EDF1: variants seen among roughly 807,000 people sequenced by gnomAD.
EDF1 encodes endothelial differentiation related factor 1.
A neutral mutation model predicts 20.8 loss-of-function variants in EDF1; 5 were observed. The ratio of observed to expected loss-of-function variants is 0.24; its 90% CI spans 0.13 to 0.51. The LOEUF (loss-of-function observed/expected upper bound fraction) is 0.51. EDF1 is among the 20% of genes least tolerant of loss of function. The pLI is 0.97. For synonymous variants in EDF1, 96 were observed against 78.5 expected (o/e 1.22, Z -1.18); for missense variants, 137 against 197.8 (o/e 0.69, Z 1.84).
At chr9:136,864,790 A>AT (rs1466072236) in intron 1 of EDF1, among the ~76,000 whole-genome samples, 1 of 151,834 alleles carries the variant, frequency 6.6e-6, no homozygotes, top group East Asian at 1.9e-4. Context: ...TGCCTGGCTA[A>AT]TTTTTTGTAT....
rs574985979 is a variant in EDF1 at position 136,862,191 on chromosome 9, T to C, written c.*93A>G. 1,251 of 1,540,558 alleles carry C rather than the reference T, an allele frequency of 8.1e-4. 2 individuals are homozygous for C. Among genetic ancestry groups the C allele is most frequent in the Non-Finnish European group, 1.0e-3 (1,138 of 1,115,854 alleles). On this transcript the variant is annotated 3_prime_UTR_variant, in exon 5 of 5. Coordinates refer to ENST00000224073, the MANE Select transcript of EDF1 (RefSeq NM_003792.4). This position sits in a 1 kb window ranked among gnomAD's most constrained non-coding sequence, Gnocchi z 4.1. ...GGTCCCCCGCAAGCTGGACCCCTTG[T>C]TCCGTTCGGCCCGTGAGGAGAACGG...
rs767244722 is a variant in EDF1 at position 136,863,333 on chromosome 9, C to T, written c.246G>A (p.Gln82=). Residue 82 remains glutamine, a synonymous_variant, in exon 3 of 5, where the codon CAG becomes CAA. Transcript: ENST00000224073. The surrounding 1 kb of genome is among the most constrained non-coding windows in gnomAD (Gnocchi z 4.5). ...TAAGCCCCTTGCTCTGCCGACCTTG[C>T]TGGATCACCTTGCCCACCTCCAGGG... The part of the protein sequence containing the change: ...RVTLEVGKVI[Q]QGRQSKGLTQ... 6.8e-6 allele frequency: 11 copies of T among 1,614,006 alleles called. No homozygotes were observed. The highest frequency in any genetic ancestry group is 9.3e-6 in the Non-Finnish European group (11 of 1,180,002).
In EDF1 at chr9:136,862,405, GC is replaced by G; in HGVS notation, c.386-61del. The G allele has an allele frequency of 1.2e-6, 2 of 1,613,886 alleles. No individual in the cohort carries two copies. The highest frequency in any genetic ancestry group is 1.7e-6 in the Non-Finnish European group (2 of 1,180,002). On this transcript the variant is annotated intron_variant, in intron 4 of 4. Transcript: ENST00000224073. This position sits in a 1 kb window ranked among gnomAD's most constrained non-coding sequence, Gnocchi z 4.1. Reference sequence around the variant, plus strand: ...CCAGCTCCCTCCTCCCCCCAACGCTGCCCCTCTTCAACATCTTCCCAGGGAA... The same window carrying G: ...CCAGCTCCCTCCTCCCCCCAACGCTGCCCTCTTCAACATCTTCCCAGGGAA...
chr9:136,862,550 C>T lies in EDF1; in HGVS notation c.386-205G>A. 6 of 1,596,096 alleles carry T rather than the reference C, an allele frequency of 3.8e-6. No homozygotes were observed. The South Asian group carries it at 5.6e-5, about 15-fold the overall frequency. On this transcript the variant is annotated intron_variant, in intron 4 of 4. Coordinates refer to ENST00000224073, the MANE Select transcript of EDF1 (RefSeq NM_003792.4). The surrounding 1 kb of genome is among the most constrained non-coding windows in gnomAD (Gnocchi z 4.1). ...CCTTAGACAGCAGAGCATGAACACC[C>T]CTCTCCGGAAGAACCGGAGCCGGGG...
In EDF1 at chr9:136,862,574, G is replaced by A. The variant is rs1588398438; in HGVS notation, c.386-229C>T. The A allele has an allele frequency of 2.6e-6, 4 of 1,565,978 alleles. No homozygotes were observed. The East Asian group carries it at 6.9e-5, about 27-fold the overall frequency. On this transcript the variant is annotated intron_variant, in intron 4 of 4. Coordinates refer to ENST00000224073, the MANE Select transcript of EDF1 (RefSeq NM_003792.4). The surrounding 1 kb of genome is among the most constrained non-coding windows in gnomAD (Gnocchi z 4.1). ...CCCTCTCCGGAAGAACCGGAGCCGG[G>A]GTCCTCTGTGGAACTGGCTTCCGGC...
Position 136,862,327 on chromosome 9 carries a change from T to C in EDF1, c.404A>G (p.Lys135Arg). The C allele has an allele frequency of 6.2e-7, 1 of 1,613,986 alleles. No homozygotes were observed. The highest frequency in any genetic ancestry group is 1.1e-5 in the South Asian group (1 of 91,064). Residue 135 changes from lysine (K) to arginine (R), a missense_variant, in exon 5 of 5, where the codon AAG (lysine) becomes AGG (arginine). Physicochemically the swap from Lys to Arg is conservative, Grantham distance 26. Transcript: ENST00000224073. The surrounding 1 kb of genome is among the most constrained non-coding windows in gnomAD (Gnocchi z 4.1). ...CTTCTCGATGGGCTTTCCAATGTCC[T>C]TTCCCCGGAGCTTGAGGCCTGAAAT... The part of the protein sequence containing the change: ...ERAIGLKLRG[K>R]DIGKPIEKGP...
chr9:136,862,387 C>T lies in EDF1; in HGVS notation c.386-42G>A. On this transcript the variant is annotated intron_variant, in intron 4 of 4. Coordinates refer to ENST00000224073, the MANE Select transcript of EDF1 (RefSeq NM_003792.4). The surrounding 1 kb of genome is among the most constrained non-coding windows in gnomAD (Gnocchi z 4.1). ...CCACTGGCCACTGCAGCACCAGCTC[C>T]CTCCTCCCCCCAACGCTGCCCCTCT... 1 of 1,614,022 alleles carries T rather than the reference C, an allele frequency of 6.2e-7. No homozygotes were observed. Among genetic ancestry groups the T allele is most frequent in the Non-Finnish European group, 8.5e-7 (1 of 1,180,028 alleles).
Position 136,863,956 on chromosome 9 carries a change from T to C in EDF1, c.79-85A>G. On this transcript the variant is annotated intron_variant, in intron 1 of 4. Transcript: ENST00000224073. This position sits in a 1 kb window ranked among gnomAD's most constrained non-coding sequence, Gnocchi z 4.5. ...CAATTCAGGCCTGCTGTTAGCCAGT[T>C]AGCACACTGCTAAGGACTAGTGGTG... is the stretch of plus-strand genomic sequence containing the variant. 2.1e-6 allele frequency: 3 copies of C among 1,429,318 alleles called. No individual in the cohort carries two copies. Among genetic ancestry groups the C allele is most frequent in the Non-Finnish European group, 2.9e-6 (3 of 1,021,506 alleles). 88.5% of individuals were successfully genotyped at this position (1,429,318 alleles called of 1,614,324 possible). A position where few individuals can be genotyped will look rare whatever the true frequency, so the allele number is the denominator to read the frequency against.
intron 1 of EDF1, among the ~76,000 whole-genome samples, chr9:136,865,350 A>G (rs1450603838): frequency 1.3e-5 from 2 of 152,016 alleles, no homozygotes; most frequent in Non-Finnish European, 2.9e-5. Flanking sequence ...CCCCTGAAGC[A>G]GGCACTCTCT....
rs1211440742 is a variant in EDF1, at chr9:136,863,230, G to A, written c.291+58C>T. On this transcript the variant is annotated intron_variant, in intron 3 of 4. Transcript: ENST00000224073. This position sits in a 1 kb window ranked among gnomAD's most constrained non-coding sequence, Gnocchi z 4.5. Reference sequence around the variant, plus strand: ...ACCCTCCCCGTGCTATCTGAACACCGGCCATCCCCCTCCCCAAACCCACAA... The same window carrying A: ...ACCCTCCCCGTGCTATCTGAACACCAGCCATCCCCCTCCCCAAACCCACAA... The A allele has an allele frequency of 2.3e-5, 37 of 1,579,398 alleles. 1 individual carries two copies. Among genetic ancestry groups the A allele is most frequent in the Middle Eastern group, 2.2e-4 (1 of 4,466 alleles).
Position 136,863,987 on chromosome 9 carries a change from G to C in EDF1, c.79-116C>G, listed in dbSNP as rs969324681. The C allele has an allele frequency of 1.1e-5, 12 of 1,061,236 alleles. No individual in the cohort carries two copies. Among genetic ancestry groups the C allele is most frequent in the Non-Finnish European group, 1.5e-5 (11 of 709,994 alleles). 65.7% of individuals were successfully genotyped at this position (1,061,236 alleles called of 1,614,324 possible). A position where few individuals can be genotyped will look rare whatever the true frequency, so the allele number is the denominator to read the frequency against. On this transcript the variant is annotated intron_variant, in intron 1 of 4. Transcript: ENST00000224073. The surrounding 1 kb of genome is among the most constrained non-coding windows in gnomAD (Gnocchi z 4.5). ...ACTGCTAAGGACTAGTGGTGCCCAA[G>C]GACTGATATGCAGTCCTGGGTTCAG...
At chr9:136,866,132 C>T (rs1020658557) in intron 1 of EDF1, 49 bp downstream of exon 1, 2 of 1,556,858 alleles carry the variant, frequency 1.3e-6, no homozygotes, top group Non-Finnish European at 8.7e-7. Flanking sequence ...GTGGCCCCGG[C>T]CCAGCGTCCG....
chr9:136,865,176 G>GC (rs1849190306), intron 1 of EDF1, among the ~76,000 whole-genome samples: 1 of 152,106 alleles, frequency 6.6e-6, no homozygotes. Context: ...GCCACCTGAG[G>GC]GTACGAATGA....
rs762388306 is a variant in EDF1 at position 136,862,475 on chromosome 9, C to G, written c.386-130G>C. On this transcript the variant is annotated intron_variant, in intron 4 of 4. Coordinates refer to ENST00000224073, the MANE Select transcript of EDF1 (RefSeq NM_003792.4). This position sits in a 1 kb window ranked among gnomAD's most constrained non-coding sequence, Gnocchi z 4.1. ...CGTGCCTCACTGGGCTCTCAGCACACGAGCACTCCTGGTTCCCACATCTAA... is the reference window on the plus strand; with the variant it reads ...CGTGCCTCACTGGGCTCTCAGCACAGGAGCACTCCTGGTTCCCACATCTAA... 4.3e-6 allele frequency: 7 copies of G among 1,612,962 alleles called. No individual in the cohort carries two copies. The highest frequency in any genetic ancestry group is 1.3e-5 in the African/African-American group (1 of 74,928).
At chr9:136,864,859 A>G (rs1386876987) in intron 1 of EDF1, among the ~76,000 whole-genome samples, 1 of 151,882 alleles carries the variant, frequency 6.6e-6, no homozygotes, top group African/African-American at 2.4e-5. Context: ...TCCTGACCTC[A>G]TGATCCACCT....
chr9:136,862,888 G>A lies in EDF1; in HGVS notation c.385+18C>T, dbSNP rs755434591. ...CTCCCTGTTCAGCGGACCCGGCGAA[G>A]GGTGGAGGGACACTCACCAATGGCC... On this transcript the variant is annotated intron_variant, in intron 4 of 4. Coordinates refer to ENST00000224073, the MANE Select transcript of EDF1 (RefSeq NM_003792.4). This position sits in a 1 kb window ranked among gnomAD's most constrained non-coding sequence, Gnocchi z 4.1. 4 of 1,613,014 alleles carry A rather than the reference G, an allele frequency of 2.5e-6. No individual in the cohort carries two copies. Among genetic ancestry groups the A allele is most frequent in the East Asian group, 4.5e-5 (2 of 44,876 alleles).
In EDF1 at chr9:136,863,522, A is replaced by C; in HGVS notation, c.131-74T>G. The C allele has an allele frequency of 1.3e-6, 2 of 1,533,146 alleles. No homozygotes were observed. Among genetic ancestry groups the C allele is most frequent in the Non-Finnish European group, 1.8e-6 (2 of 1,136,042 alleles). The allele number at this position is 1,533,146 out of a possible 1,614,324, so 95.0% of individuals were successfully genotyped here. On this transcript the variant is annotated intron_variant, in intron 2 of 4. Coordinates refer to ENST00000224073, the MANE Select transcript of EDF1 (RefSeq NM_003792.4). This position sits in a 1 kb window ranked among gnomAD's most constrained non-coding sequence, Gnocchi z 4.5. ...TGAAGAAAAACCATTTCAAAGCGGT[A>C]ACCAGACCCCAGAGGCTGCCTGAAC...
In EDF1 at chr9:136,866,223, C is replaced by T. The variant is rs1286253518; in HGVS notation, c.36G>A (p.Leu12=). The change falls in exon 1 of 5, where the codon CTG becomes CTA. Residue 12 remains leucine, a synonymous_variant. Coordinates refer to ENST00000224073, the MANE Select transcript of EDF1 (RefSeq NM_003792.4). ...AESDWDTVTV[L]RKKGPTAAQA... ...GGGCGGCCGTAGGGCCCTTCTTGCG[C>T]AGCACCGTCACCGTGTCCCAGTCGC... is the stretch of plus-strand genomic sequence containing the variant. The T allele has an allele frequency of 6.2e-7, 1 of 1,601,858 alleles. No homozygotes were observed. The highest frequency in any genetic ancestry group is 8.5e-7 in the Non-Finnish European group (1 of 1,176,138).
At position 136,862,362 on chromosome 9, in the gene EDF1, C is replaced by T; in HGVS notation, c.386-17G>A. On this transcript the variant is annotated splice_polypyrimidine_tract_variant and intron_variant, in intron 4 of 4. Transcript: ENST00000224073. This position sits in a 1 kb window ranked among gnomAD's most constrained non-coding sequence, Gnocchi z 4.1. ...GCTTGAGGCCTGAAATGAGCCACAG[C>T]CACTGGCCACTGCAGCACCAGCTCC... 6.2e-7 allele frequency: 1 copy of T among 1,614,030 alleles called. No individual in the cohort carries two copies. Among genetic ancestry groups the T allele is most frequent in the East Asian group, 2.2e-5 (1 of 44,870 alleles).
Sources: gnomAD v4.1 joint callset for allele counts (sites outside exome capture counted in the v4.1 genomes callset) on GRCh38, gnomAD v4.1.1 for gene constraint, Gnocchi (gnomAD v3.1) non-coding constraint, MANE v1.5 for transcripts, NCBI Gene and HGNC (gene_info 2026-07-23, HGNC 2026-07-21) for gene names.